The following PTPRM variants were observed in gnomAD, a reference collection of about 807,000 sequenced individuals.
The protein encoded by PTPRM is protein tyrosine phosphatase receptor type M.
A neutral mutation model predicts 186.7 loss-of-function variants in PTPRM; 47 were observed. The observed-to-expected ratio is 0.25, with a 90% CI of 0.20 to 0.32. PTPRM has a LOEUF of 0.32. Among genes scored for constraint, PTPRM ranks in the 10% least tolerant of loss-of-function variants. The pLI, the probability that PTPRM is intolerant of heterozygous loss-of-function variation, is 1.00. For missense variants in PTPRM, 1,494 were observed against 1,865.0 expected, an observed-to-expected ratio of 0.80 and a Z score of 3.66; for synonymous variants, 668 against 674.9, an observed-to-expected ratio of 0.99 and a Z score of 0.16.
intron 7 of PTPRM, among the ~76,000 whole-genome samples, chr18:8,000,095 G>GC (rs1373308682): frequency 6.6e-6 from 1 of 152,182 alleles, no homozygotes; most frequent in Non-Finnish European, 1.5e-5. Context: ...ATTGGACAAG[G>GC]CCCACCTGCA....
intron 2 of PTPRM, among the ~76,000 whole-genome samples, chr18:7,876,440 C>A (rs904256029): frequency 6.6e-6 from 1 of 152,130 alleles, no homozygotes; most frequent in Non-Finnish European, 1.5e-5. Flanking sequence ...CACCCTCAAG[C>A]TTGTCTTAAA....
chr18:8,019,622 A>G (rs1281742290), intron 7 of PTPRM, among the ~76,000 whole-genome samples: 2 of 151,472 alleles, frequency 1.3e-5, no homozygotes, highest in East Asian at 1.9e-4. Flanking sequence ...AAACCCTTCA[A>G]TTATATCCAC....
chr18:8,345,840 T>A (rs1213611172), intron 23 of PTPRM, among the ~76,000 whole-genome samples: 1 of 151,998 alleles, frequency 6.6e-6, no homozygotes, highest in African/African-American at 2.4e-5. Context: ...AAGAGATGAA[T>A]AGACCAGTAG....
At chr18:7,942,157 C>A (rs568355111) in intron 5 of PTPRM, among the ~76,000 whole-genome samples, 71 of 151,858 alleles carry the variant, frequency 4.7e-4, no homozygotes, top group Non-Finnish European at 9.9e-4. Flanking sequence ...GTGGCAGGCA[C>A]CTGTAGTCCC....
At chr18:8,288,935 T>C (rs1028245292) in intron 19 of PTPRM, among the ~76,000 whole-genome samples, 1 of 152,176 alleles carries the variant, frequency 6.6e-6, no homozygotes, top group Admixed American at 6.5e-5. Context: ...CTGAACTGGC[T>C]CATTCCATAA....
At chr18:7,788,420 T>A (rs1223708315) in intron 2 of PTPRM, among the ~76,000 whole-genome samples, 1 of 152,202 alleles carries the variant, frequency 6.6e-6, no homozygotes. Context: ...AGTATTCATA[T>A]ACTTAGAATT....
At chr18:7,964,157 T>C (rs1163729027) in intron 7 of PTPRM, among the ~76,000 whole-genome samples, 1 of 152,272 alleles carries the variant, frequency 6.6e-6, no homozygotes, top group Admixed American at 6.5e-5. Context: ...TTAGCATTTA[T>C]ACTACACTGG....
intron 1 of PTPRM, among the ~76,000 whole-genome samples, chr18:7,663,954 C>CT (rs1387802265): frequency 4.6e-5 from 7 of 152,322 alleles, no homozygotes; most frequent in Non-Finnish European, 1.0e-4. Flanking sequence ...TCAAGCCAGA[C>CT]TTTTCCCTTT....
At chr18:8,402,650 A>G (rs1293103593) in intron 32 of PTPRM, among the ~76,000 whole-genome samples, 2 of 152,210 alleles carry the variant, frequency 1.3e-5, no homozygotes, top group African/African-American at 2.4e-5. Flanking sequence ...TCACAAAAGC[A>G]TGATGGGAGC....
At chr18:8,090,399 T>G (rs1295648106) in intron 11 of PTPRM, among the ~76,000 whole-genome samples, 1 of 152,188 alleles carries the variant, frequency 6.6e-6, no homozygotes, top group Non-Finnish European at 1.5e-5. Context: ...TAGTTAGAGT[T>G]CACTCAGATT....
At chr18:7,584,223 A>T (rs934469022) in intron 1 of PTPRM, among the ~76,000 whole-genome samples, 1 of 152,240 alleles carries the variant, frequency 6.6e-6, no homozygotes, top group Non-Finnish European at 1.5e-5. Context: ...TTAAAAAATT[A>T]TGCAATTATG....
At chr18:8,092,600 A>G (rs1365911754) in intron 11 of PTPRM, among the ~76,000 whole-genome samples, 2 of 152,074 alleles carry the variant, frequency 1.3e-5, no homozygotes, top group Non-Finnish European at 1.5e-5. Flanking sequence ...CATATTCACC[A>G]ATACTGACAT....
chr18:8,178,549 C>T (rs535870021), intron 14 of PTPRM, among the ~76,000 whole-genome samples: 8 of 152,008 alleles, frequency 5.3e-5, no homozygotes, highest in African/African-American at 1.2e-4. Context: ...TTTGGGAGGC[C>T]GAGGCAGGTG....
chr18:8,278,368 T>G (rs894469485), intron 19 of PTPRM, among the ~76,000 whole-genome samples: 6 of 152,340 alleles, frequency 3.9e-5, no homozygotes, highest in Non-Finnish European at 8.8e-5. Flanking sequence ...AGAGCTGAAA[T>G]GTACATAAAT....
At chr18:8,298,404 C>T (rs910049033) in intron 20 of PTPRM, among the ~76,000 whole-genome samples, 1 of 152,136 alleles carries the variant, frequency 6.6e-6, no homozygotes, top group South Asian at 2.1e-4. Flanking sequence ...ACTGATGTGG[C>T]CTCGTGCTGA....
intron 14 of PTPRM, among the ~76,000 whole-genome samples, chr18:8,184,316 T>A (rs1475826408): frequency 7.6e-6 from 1 of 130,996 alleles, no homozygotes; most frequent in East Asian, 2.0e-4. Flanking sequence ...ATGTGTTTTA[T>A]CCTGCTGCAA....
chr18:8,046,263 G>C (rs1356070305), intron 7 of PTPRM, among the ~76,000 whole-genome samples: 1 of 152,136 alleles, frequency 6.6e-6, no homozygotes, highest in Non-Finnish European at 1.5e-5. Context: ...TCCAGTCTCA[G>C]GTATTTCCTC....
intron 23 of PTPRM, among the ~76,000 whole-genome samples, chr18:8,352,459 T>C (rs11873699): frequency 0.28 from 42,135 of 152,054 alleles, 6,538 homozygotes; most frequent in Middle Eastern, 0.51. Context: ...CTCCCTTTTA[T>C]ATTCCCCAGT....
intron 14 of PTPRM, among the ~76,000 whole-genome samples, chr18:8,231,900 C>T (rs955981899): frequency 5.3e-5 from 8 of 152,116 alleles, no homozygotes; most frequent in African/African-American, 1.9e-4. Context: ...TATCATAATC[C>T]GTGAGGCTCT....
Sources: allele counts gnomAD v4.1 joint callset (sites outside exome capture counted in the v4.1 genomes callset), GRCh38; gene constraint gnomAD v4.1.1; transcripts MANE v1.5; gene names NCBI Gene and HGNC (gene_info 2026-07-23, HGNC 2026-07-21).